TYW1: variants seen among roughly 807,000 people sequenced by gnomAD.
TYW1 encodes the protein tRNA-yW synthesizing protein 1 homolog, also known as S-adenosyl-L-methionine-dependent tRNA 4-demethylwyosine synthase TYW1.
In TYW1, 46 loss-of-function variants were observed where a neutral mutation model predicts 96.2. The ratio of observed to expected loss-of-function variants is 0.48; its 90% CI spans 0.38 to 0.61. The LOEUF (loss-of-function observed/expected upper bound fraction) is 0.61. Among genes scored for constraint, TYW1 ranks in the 20% least tolerant of loss-of-function variants. The pLI, the probability that TYW1 is intolerant of heterozygous loss-of-function variation, is 0.00. For missense variants in TYW1, 684 were observed against 909.6 expected (o/e 0.75, Z 3.19); for synonymous variants, 274 against 323.0 (o/e 0.85, Z 1.63).
chr7:67,237,647 T>C (rs1477902698), intron 15 of TYW1, among the ~76,000 whole-genome samples: 1 of 152,090 alleles, frequency 6.6e-6, no homozygotes, highest in East Asian at 1.9e-4. Context: ...TAGTATTTCC[T>C]TCTGAGCCTC....
At chr7:67,212,651 G>A (rs908368242) in intron 15 of TYW1, among the ~76,000 whole-genome samples, 3 of 148,412 alleles carry the variant, frequency 2.0e-5, no homozygotes, top group African/African-American at 7.5e-5. Flanking sequence ...CCAGAATTTG[G>A]TGTATATCAC....
At position 67,117,520 on chromosome 7, in the gene TYW1, G is replaced by A; in HGVS notation, c.1600G>A (p.Asp534Asn). 1 of 1,613,664 alleles carries A rather than the reference G, an allele frequency of 6.2e-7. No homozygotes were observed. Among genetic ancestry groups the A allele is most frequent in the Non-Finnish European group, 8.5e-7 (1 of 1,179,896 alleles). ...GGTTACTCAGCTGTATGTCAGTGTG[G>A]ATGCCAGTACCAAAGACAGCCTGAA... is the stretch of plus-strand genomic sequence containing the variant. Reference protein sequence around the residue: ...EPVTQLYVSVDASTKDSLKKI... With the variant: ...EPVTQLYVSVNASTKDSLKKI... Residue 534 changes from aspartate (D) to asparagine (N), a missense_variant, in exon 13 of 16, where the codon GAT becomes AAT. Physicochemically the swap from Asp to Asn is conservative, Grantham distance 23. Transcript: ENST00000359626.
intron 3 of TYW1, among the ~76,000 whole-genome samples, chr7:67,001,690 G>T (rs1296521794): frequency 6.6e-6 from 1 of 151,486 alleles, no homozygotes; most frequent in Non-Finnish European, 1.5e-5. Context: ...AAAGTGTTGG[G>T]ATTACAGGCG....
intron 10 of TYW1, among the ~76,000 whole-genome samples, chr7:67,079,093 G>A (rs1340872704): frequency 6.6e-6 from 1 of 151,800 alleles, no homozygotes; most frequent in East Asian, 1.9e-4. Flanking sequence ...GGTAATACTG[G>A]CCTCGTATAA....
chr7:67,149,722 A>AAATCTATC (rs762217563), intron 13 of TYW1, among the ~76,000 whole-genome samples: 3 of 140,120 alleles, frequency 2.1e-5, no homozygotes, highest in Admixed American at 7.2e-5. Context: ...AGGAAAAAAA[A>AAATCTATC]TATCTATCTA....
chr7:67,158,082 A>ATTTTTTTT lies in TYW1; in HGVS notation c.1699-25027_1699-25020dup, dbSNP rs560215948. On this transcript the variant is annotated intron_variant, in intron 13 of 15. Coordinates refer to ENST00000359626, the MANE Select transcript of TYW1 (RefSeq NM_018264.4). Reference sequence around the variant, plus strand: ...CCTCTTAATTCCTTGTTTGCTGAGGATTTTTTTTTTTTTTTTTTTTTTTTG... The same window carrying ATTTTTTTT: ...CCTCTTAATTCCTTGTTTGCTGAGGATTTTTTTTTTTTTTTTTTTTTTTTTTTTTTTTG... Among the ~76,000 whole-genome samples the ATTTTTTTT allele has an allele frequency of 3.2e-4, 33 of 102,168 alleles. 1 individual carries two copies. The highest frequency in any genetic ancestry group is 6.9e-4 in the East Asian group (2 of 2,902). The allele number at this position is 102,168 out of a possible 152,430, so 67.0% of individuals were successfully genotyped here.
chr7:67,102,806 C>T (rs1797126575), intron 12 of TYW1, among the ~76,000 whole-genome samples: 1 of 152,136 alleles, frequency 6.6e-6, no homozygotes, highest in South Asian at 2.1e-4. Flanking sequence ...CACCCACCAC[C>T]ACACCCAGCT....
intron 13 of TYW1, among the ~76,000 whole-genome samples, chr7:67,140,923 G>A (rs1356274138): frequency 6.6e-6 from 1 of 152,170 alleles, no homozygotes; most frequent in Non-Finnish European, 1.5e-5. Flanking sequence ...AGTGTCTGGG[G>A]GTGGAGGGAG....
At chr7:67,133,416 T>G (rs887735221) in intron 13 of TYW1, among the ~76,000 whole-genome samples, 33 of 152,252 alleles carry the variant, frequency 2.2e-4, no homozygotes, top group Middle Eastern at 3.4e-3. Flanking sequence ...GTGCTGGGAT[T>G]GTCCGGGCAC....
chr7:67,089,924 C>G (rs1796660704), intron 11 of TYW1, among the ~76,000 whole-genome samples: 1 of 152,158 alleles, frequency 6.6e-6, no homozygotes, highest in African/African-American at 2.4e-5. Flanking sequence ...AGAAATAGTT[C>G]CCAGAAAATG....
At chr7:67,158,770 A>T (rs945209706) in intron 13 of TYW1, among the ~76,000 whole-genome samples, 1 of 151,088 alleles carries the variant, frequency 6.6e-6, no homozygotes, top group African/African-American at 2.4e-5. Context: ...CGGGGGTTTC[A>T]CTGTGTTAGC....
At chr7:67,211,803 C>T (rs1020395408) in intron 15 of TYW1, among the ~76,000 whole-genome samples, 1 of 152,162 alleles carries the variant, frequency 6.6e-6, no homozygotes, top group African/African-American at 2.4e-5. Context: ...GCGCTATGTG[C>T]AGTTCCTTTT....
At chr7:67,157,576 G>A (rs141536335) in intron 13 of TYW1, among the ~76,000 whole-genome samples, 5,476 of 152,230 alleles carry the variant, frequency 0.036, 155 homozygotes, top group Non-Finnish European at 0.048. Context: ...GTGAGCCACC[G>A]TGCCCGGCCT....
intron 15 of TYW1, among the ~76,000 whole-genome samples, chr7:67,215,872 A>G (rs904693907): frequency 6.6e-5 from 10 of 152,122 alleles, no homozygotes; most frequent in African/African-American, 2.4e-4. Flanking sequence ...TGCCTGCTTT[A>G]TATTCACTGG....
At chr7:67,058,997 G>C (rs530959567) in intron 9 of TYW1, among the ~76,000 whole-genome samples, 17 of 152,050 alleles carry the variant, frequency 1.1e-4, no homozygotes, top group Admixed American at 2.6e-4. Flanking sequence ...CATTGCAATG[G>C]GAATATGCAA....
At chr7:67,113,295 C>T (rs1436832657) in intron 12 of TYW1, among the ~76,000 whole-genome samples, 1 of 152,038 alleles carries the variant, frequency 6.6e-6, no homozygotes, top group Admixed American at 6.5e-5. Context: ...AGCCTCTTGG[C>T]CTCAGTGTGC....
At chr7:67,160,323 ATT>A (rs531114004) in intron 13 of TYW1, among the ~76,000 whole-genome samples, 149 of 152,182 alleles carry the variant, frequency 9.8e-4, no homozygotes, top group African/African-American at 3.4e-3. Flanking sequence ...AACTCTGAAT[ATT>A]TTTGTTACAT....
intron 15 of TYW1, among the ~76,000 whole-genome samples, chr7:67,222,343 A>G (rs1228190473): frequency 6.6e-6 from 1 of 152,126 alleles, no homozygotes; most frequent in Non-Finnish European, 1.5e-5. Flanking sequence ...TTTCATTTCA[A>G]CCTGCAGGAC....
intron 3 of TYW1, among the ~76,000 whole-genome samples, chr7:67,006,928 C>G (rs1793612552): frequency 8.2e-6 from 1 of 121,692 alleles, no homozygotes; most frequent in African/African-American, 3.1e-5. Context: ...GGGAGCAAAA[C>G]AGTAGGGAGA....
Sources: gnomAD v4.1 joint callset for allele counts (sites outside exome capture counted in the v4.1 genomes callset) on GRCh38, gnomAD v4.1.1 for gene constraint, MANE v1.5 for transcripts, NCBI Gene and HGNC (gene_info 2026-07-23, HGNC 2026-07-21) for gene names.